The following ATAD2B variants were observed in gnomAD, a reference collection of about 807,000 sequenced individuals.
ATAD2B encodes the protein ATPase family AAA domain containing 2B.
ATAD2B carries 40 observed loss-of-function variants against 167.6 expected under a neutral mutation model. The observed-to-expected ratio is 0.24, with a 90% CI of 0.19 to 0.31. The LOEUF (loss-of-function observed/expected upper bound fraction) is 0.31, where lower values mean the gene tolerates loss of function less well. ATAD2B is among the 10% of genes least tolerant of loss of function. The pLI is 1.00. For missense variants in ATAD2B, 1,242 were observed against 1,757.2 expected, an observed-to-expected ratio of 0.71 and a Z score of 5.24; for synonymous variants, 579 against 596.5, an observed-to-expected ratio of 0.97 and a Z score of 0.43.
At chr2:23,922,215 GA>G (rs1447598338) in intron 1 of ATAD2B, among the ~76,000 whole-genome samples, 4 of 151,874 alleles carry the variant, frequency 2.6e-5, no homozygotes, top group African/African-American at 9.7e-5. Context: ...AGGAGAAGTA[GA>G]AAAAAAGAGT....
At chr2:23,809,734 C>G (rs1473119461) in intron 18 of ATAD2B, among the ~76,000 whole-genome samples, 2 of 152,108 alleles carry the variant, frequency 1.3e-5, no homozygotes, top group African/African-American at 4.8e-5. Context: ...TTAACCTCAT[C>G]CCTAGTTTCA....
chr2:23,721,534 C>T, the ATAD2B span, among the ~76,000 whole-genome samples: 1 of 152,166 alleles, frequency 6.6e-6, no homozygotes, highest in Admixed American at 6.5e-5. Flanking sequence ...ACATCCCAGG[C>T]CTAAGAAACA....
At chr2:23,855,803 C>A (rs926157117) in intron 13 of ATAD2B, among the ~76,000 whole-genome samples, 1 of 151,992 alleles carries the variant, frequency 6.6e-6, no homozygotes, top group Non-Finnish European at 1.5e-5. Flanking sequence ...GCAGTAGGAT[C>A]ACTTGGGCCT....
chr2:23,852,470 G>C (rs1182228140), intron 13 of ATAD2B, among the ~76,000 whole-genome samples: 1 of 151,928 alleles, frequency 6.6e-6, no homozygotes, highest in East Asian at 1.9e-4. Flanking sequence ...TCCAAAACCA[G>C]ATGCAGATAT....
intron 7 of ATAD2B, among the ~76,000 whole-genome samples, chr2:23,878,892 A>T (rs1434399491): frequency 6.6e-6 from 1 of 152,198 alleles, no homozygotes; most frequent in East Asian, 1.9e-4. Context: ...ATTTTACCCA[A>T]GATTTAACAC....
intron 19 of ATAD2B, among the ~76,000 whole-genome samples, chr2:23,796,690 T>C (rs1319426797): frequency 2.6e-5 from 4 of 152,212 alleles, no homozygotes; most frequent in Non-Finnish European, 5.9e-5. Flanking sequence ...TCCCAGGTTA[T>C]ATCCAGGTTC....
chr2:23,780,901 CAAACAAA>C (rs1486881003), intron 22 of ATAD2B, among the ~76,000 whole-genome samples: 3 of 152,022 alleles, frequency 2.0e-5, no homozygotes, highest in African/African-American at 7.2e-5. Context: ...GACTCTGTCT[CAAACAAA>C]AAACAAAACA....
At chr2:23,785,228 C>A (rs962482366) in intron 21 of ATAD2B, among the ~76,000 whole-genome samples, 1 of 151,996 alleles carries the variant, frequency 6.6e-6, no homozygotes, top group Admixed American at 6.6e-5. Context: ...AACCCTGAAT[C>A]ACCCATAATT....
chr2:23,747,027 G>A (rs1326368858), downstream of ATAD2B, among the ~76,000 whole-genome samples: 1 of 152,002 alleles, frequency 6.6e-6, no homozygotes, highest in Non-Finnish European at 1.5e-5. Context: ...TACATGGTAG[G>A]CACTTGTTAT....
intron 24 of ATAD2B, among the ~76,000 whole-genome samples, chr2:23,758,684 T>C (rs1161856616): frequency 1.3e-5 from 2 of 152,202 alleles, no homozygotes; most frequent in South Asian, 2.1e-4. Context: ...TTTGGACAAT[T>C]TGGTGAGCCA....
intron 21 of ATAD2B, among the ~76,000 whole-genome samples, chr2:23,785,445 T>C (rs141387694): frequency 1.3e-5 from 2 of 152,160 alleles, no homozygotes; most frequent in Non-Finnish European, 2.9e-5. Flanking sequence ...TCACAAACCA[T>C]GCTCCCACAA....
chr2:23,907,371 G>C (rs1177712123), intron 1 of ATAD2B, among the ~76,000 whole-genome samples: 5 of 151,866 alleles, frequency 3.3e-5, no homozygotes, highest in Admixed American at 3.3e-4. Flanking sequence ...ATTCACAATT[G>C]CTTCAAAGAG....
At chr2:23,758,223 C>T in intron 24 of ATAD2B, 122 bp from the exon 25 acceptor site, 1 of 745,626 alleles carries the variant, frequency 1.3e-6, no homozygotes, top group East Asian at 2.8e-5. Flanking sequence ...ACAAAAACTA[C>T]TTAGCTCTTG....
At chr2:23,787,102 A>G (rs192693529) in intron 20 of ATAD2B, among the ~76,000 whole-genome samples, 132 of 152,026 alleles carry the variant, frequency 8.7e-4, no homozygotes, top group Non-Finnish European at 1.7e-3. Flanking sequence ...GAGATGGAAA[A>G]CCAGTCCTAA....
intron 13 of ATAD2B, among the ~76,000 whole-genome samples, chr2:23,849,839 C>T (rs564318174): frequency 6.6e-6 from 1 of 151,394 alleles, no homozygotes; most frequent in African/African-American, 2.4e-5. Context: ...AAAAATAAAA[C>T]CCCACAAAAG....
chr2:23,746,305 T>C (rs564288722), downstream of ATAD2B, among the ~76,000 whole-genome samples: 1 of 152,332 alleles, frequency 6.6e-6, no homozygotes, highest in African/African-American at 2.4e-5. Context: ...AGCAAATTAA[T>C]CTATAACTCA....
At chr2:23,692,379 G>A in the ATAD2B span, among the ~76,000 whole-genome samples, 1 of 152,262 alleles carries the variant, frequency 6.6e-6, no homozygotes, top group Non-Finnish European at 1.5e-5. Flanking sequence ...GCTCCCGGGG[G>A]GGTCGCTGAC....
intron 4 of ATAD2B, among the ~76,000 whole-genome samples, chr2:23,886,780 A>G (rs1698723474): frequency 6.6e-6 from 1 of 151,652 alleles, no homozygotes; most frequent in Admixed American, 6.6e-5. Flanking sequence ...AAATACAAAA[A>G]ATTAGCCAGG....
At chr2:23,740,592 A>G in the ATAD2B span, among the ~76,000 whole-genome samples, 14,942 of 151,678 alleles carry the variant, frequency 0.099, 824 homozygotes, top group Middle Eastern at 0.17. Flanking sequence ...CACAGCCGAT[A>G]TCATACTGAA....
Sources: allele counts gnomAD v4.1 joint callset (sites outside exome capture counted in the v4.1 genomes callset), GRCh38; gene constraint gnomAD v4.1.1; transcripts MANE v1.5; gene names NCBI Gene and HGNC (gene_info 2026-07-23, HGNC 2026-07-21).